The following DIS3L variants were observed in gnomAD, a reference collection of about 807,000 sequenced individuals.
The protein encoded by DIS3L is DIS3 like exosome 3'-5' exoribonuclease, also known as DIS3-like exonuclease 1.
In DIS3L, 100 loss-of-function variants were observed where a neutral mutation model predicts 120.3. The observed-to-expected ratio is 0.83, with a 90% confidence interval of 0.71 to 0.98. The LOEUF (loss-of-function observed/expected upper bound fraction) is 0.98, where lower values mean the gene tolerates loss of function less well. Among genes scored for constraint, DIS3L ranks in the 50% least tolerant of loss-of-function variants. DIS3L has a pLI of 0.00. For synonymous variants in DIS3L, 426 were observed against 470.6 expected, an observed-to-expected ratio of 0.91 and a Z score of 1.23; for missense variants, 1,196 against 1,314.2, an observed-to-expected ratio of 0.91 and a Z score of 1.39.
At chr15:66,319,233 C>G (rs959227228) in intron 8 of DIS3L, among the ~76,000 whole-genome samples, 1 of 152,286 alleles carries the variant, frequency 6.6e-6, no homozygotes, top group Non-Finnish European at 1.5e-5. Flanking sequence ...CCACTGTGCC[C>G]AGCCCCAAGA....
rs2092802345 is a variant in DIS3L at position 66,315,024 on chromosome 15, C to T, written c.815-12C>T. 6.2e-7 allele frequency: 1 copy of T among 1,612,342 alleles called. No homozygotes were observed. Among genetic ancestry groups the T allele is most frequent in the African/African-American group, 1.3e-5 (1 of 74,836 alleles). On this transcript the variant is annotated splice_polypyrimidine_tract_variant and intron_variant, in intron 6 of 16. Coordinates refer to ENST00000319212, the MANE Select transcript of DIS3L (RefSeq NM_001143688.3). Reference sequence around the variant, plus strand: ...GGCTTTATGGGTTTTTTCTGTGCTGCCCCAAACACAGATTTAGTCAGTGAC... The same window carrying T: ...GGCTTTATGGGTTTTTTCTGTGCTGTCCCAAACACAGATTTAGTCAGTGAC...
rs17851970 is a variant in DIS3L, at chr15:66,320,627, T to C, written c.1221T>C (p.Asn407=). Residue 407 remains asparagine (N), a synonymous_variant, in exon 9 of 17, where the codon AAT becomes AAC. Transcript: ENST00000319212. The stretch of plus-strand genomic sequence containing the variant: ...GGGAGTCAACATCTGTGTATCCAAA[T>C]GGACATTTTGTGCGTGTTTTAGGAA... ...DSWESTSVYP[N]GHFVRVLGRI... The C allele has an allele frequency of 0.25, 408,939 of 1,613,786 alleles. 55,009 individuals are homozygous for C. Among genetic ancestry groups the C allele is most frequent in the South Asian group, 0.33 (30,135 of 91,040 alleles).
intron 10 of DIS3L, among the ~76,000 whole-genome samples, chr15:66,323,213 G>T (rs868181593): frequency 2.0e-5 from 3 of 152,072 alleles, no homozygotes; most frequent in African/African-American, 7.2e-5. Context: ...AAAAATACTG[G>T]ATCATTACAC....
intron 2 of DIS3L, among the ~76,000 whole-genome samples, chr15:66,302,698 C>T (rs1260428904): frequency 1.3e-5 from 2 of 152,184 alleles, no homozygotes; most frequent in Non-Finnish European, 2.9e-5. Flanking sequence ...GGGTCACCTA[C>T]TCCAGGAAGC....
At chr15:66,304,231 G>A (rs951716101) in intron 2 of DIS3L, among the ~76,000 whole-genome samples, 1 of 151,804 alleles carries the variant, frequency 6.6e-6, no homozygotes, top group African/African-American at 2.4e-5. Flanking sequence ...CAGGAGGATC[G>A]ATTGAGCCCA....
chr15:66,308,947 C>T lies in DIS3L; in HGVS notation c.558+103C>T. 3.7e-6 allele frequency: 5 copies of T among 1,367,470 alleles called. No individual in the cohort carries two copies. The South Asian group carries it at 8.4e-5, about 23-fold the overall frequency. The allele number at this position is 1,367,470 out of a possible 1,614,324, so 84.7% of individuals were successfully genotyped here. ...ACAGAAAAGAGAAAAGAGGAATAGA[C>T]ATTAAGTTCCATTTTGGCCAGGCGT... is the stretch of plus-strand genomic sequence containing the variant. On this transcript the variant is annotated intron_variant, in intron 4 of 16. Coordinates refer to ENST00000319212, the MANE Select transcript of DIS3L (RefSeq NM_001143688.3).
intron 14 of DIS3L, among the ~76,000 whole-genome samples, chr15:66,330,954 A>G (rs1276891613): frequency 6.6e-6 from 1 of 152,174 alleles, no homozygotes; most frequent in Non-Finnish European, 1.5e-5. Flanking sequence ...CAGGAGTTCC[A>G]GAGCAGCCTG....
At chr15:66,294,282 G>A (rs2092560138) in intron 1 of DIS3L, 1 of 985,372 alleles carries the variant, frequency 1.0e-6, no homozygotes, top group African/African-American at 1.7e-5. Flanking sequence ...GAAGGTCACG[G>A]GGAAGTTGGA....
chr15:66,297,699 T>C (rs16949788), intron 2 of DIS3L, among the ~76,000 whole-genome samples: 12,146 of 152,244 alleles, frequency 0.08, 475 homozygotes, highest in Non-Finnish European at 0.086. Context: ...AGTAAATAAT[T>C]CATTTTATCC....
At chr15:66,307,840 C>T (rs1057274915) in intron 3 of DIS3L, among the ~76,000 whole-genome samples, 3 of 152,060 alleles carry the variant, frequency 2.0e-5, no homozygotes, top group South Asian at 2.1e-4. Context: ...CTGTAGGAAA[C>T]GAAGACTCCA....
chr15:66,322,711 C>G lies in DIS3L; in HGVS notation c.1351C>G (p.Pro451Ala), dbSNP rs767359993. The change falls in exon 10 of 17, where the codon CCA becomes GCA. Residue 451 changes from proline to alanine, a missense_variant. By Grantham distance (27) the Pro-to-Ala change is conservative. Coordinates refer to ENST00000319212, the MANE Select transcript of DIS3L (RefSeq NM_001143688.3). ...AQMCEMPVNTPESPWKVSPEE... is the reference protein window; with the variant it reads ...AQMCEMPVNTAESPWKVSPEE... ...GATGTGTGAGATGCCAGTAAACACA[C>G]CAGAAAGTCCCTGGAAGGTGAGTCC... 1 of 1,614,052 alleles carries G rather than the reference C, an allele frequency of 6.2e-7. No homozygotes were observed. The highest frequency in any genetic ancestry group is 1.7e-5 in the Admixed American group (1 of 59,998).
Position 66,322,882 on chromosome 15 carries a change from G to T in DIS3L, c.1522G>T (p.Val508Leu). 1.2e-6 allele frequency: 2 copies of T among 1,614,174 alleles called. No individual in the cohort carries two copies. Among genetic ancestry groups the T allele is most frequent in the Non-Finnish European group, 1.7e-6 (2 of 1,180,032 alleles). Residue 508 changes from valine to leucine, a missense_variant, in exon 10 of 17, where the codon GTA becomes TTA. Coordinates refer to ENST00000319212, the MANE Select transcript of DIS3L (RefSeq NM_001143688.3). ...NLELGVHIAD[V>L]THFVAPNSYI... Reference sequence around the variant, plus strand: ...GGAACTTGGGGTCCACATCGCAGATGTAACACACTTTGTGGCACCAAATTC... The same window carrying T: ...GGAACTTGGGGTCCACATCGCAGATTTAACACACTTTGTGGCACCAAATTC...
intron 11 of DIS3L, among the ~76,000 whole-genome samples, chr15:66,324,863 T>C (rs1162808096): frequency 6.6e-6 from 1 of 152,240 alleles, no homozygotes; most frequent in Non-Finnish European, 1.5e-5. Flanking sequence ...GTAAAAGCTC[T>C]TTACATATTA....
At position 66,293,719 on chromosome 15, in the gene DIS3L, C is replaced by T. The variant is rs765991326; in HGVS notation, c.123C>T (p.Pro41=). The change falls in exon 1 of 17, where the codon CCC becomes CCT. Residue 41 remains proline (P), a synonymous_variant. Transcript: ENST00000319212. ...VPCHSPLCPQ[P]AACSHDGKLL... is the part of the protein sequence containing the mutation. Reference sequence around the variant, plus strand: ...GCCACAGCCCGCTCTGCCCGCAGCCCGCCGCCTGCAGCCACGGTCAGGGCC... The same window carrying T: ...GCCACAGCCCGCTCTGCCCGCAGCCTGCCGCCTGCAGCCACGGTCAGGGCC... 7.6e-7 allele frequency: 1 copy of T among 1,315,290 alleles called. No homozygotes were observed. The highest frequency in any genetic ancestry group is 1.9e-5 in the South Asian group (1 of 52,566). The allele number at this position is 1,315,290 out of a possible 1,614,324, so 81.5% of individuals were successfully genotyped here.
At chr15:66,293,991 A>C in intron 1 of DIS3L, 1 of 990,616 alleles carries the variant, frequency 1.0e-6, no homozygotes, top group Non-Finnish European at 1.2e-6. Context: ...ACAGACCCGC[A>C]CCCCATGCCG....
At position 66,306,815 on chromosome 15, in the gene DIS3L, G is replaced by T. The variant is rs74657671; in HGVS notation, c.294-9G>T. 0.018 allele frequency: 29,150 copies of T among 1,613,576 alleles called. 326 individuals carry two copies. The highest frequency in any genetic ancestry group is 0.02 in the Non-Finnish European group (24,084 of 1,179,620). ...TTTGTTAGAGTTATTTTTCTCCTCC[G>T]TGTCACAGACAGTATAACAAACTGC... On this transcript the variant is annotated splice_polypyrimidine_tract_variant and intron_variant, in intron 2 of 16. Transcript: ENST00000319212.
Position 66,323,475 on chromosome 15 carries a change from C to CGT in DIS3L, c.1575-11_1575-10dup. Reference sequence around the variant, plus strand: ...CTCCCTGCTAAAGGTCGCGTTGCCGCGTGTGTGTCATTCACAGGGCCACCA... The same window carrying CGT: ...CTCCCTGCTAAAGGTCGCGTTGCCGCGTGTGTGTGTCATTCACAGGGCCACCA... On this transcript the variant is annotated splice_polypyrimidine_tract_variant and intron_variant, in intron 10 of 16. Coordinates refer to ENST00000319212, the MANE Select transcript of DIS3L (RefSeq NM_001143688.3). 1 of 1,613,706 alleles carries CGT rather than the reference C, an allele frequency of 6.2e-7. No individual in the cohort carries two copies. The highest frequency in any genetic ancestry group is 8.5e-7 in the Non-Finnish European group (1 of 1,179,750).
intron 2 of DIS3L, 102 bp downstream of exon 2, chr15:66,295,243 G>A (rs80126717): frequency 0.23 from 271,400 of 1,178,398 alleles, 33,958 homozygotes; most frequent in Middle Eastern, 0.29. Flanking sequence ...TATTTTGTCA[G>A]AAGGGACTTT....
rs377160055 is a variant in DIS3L, at chr15:66,333,602, G to A, written c.*290G>A. ...AAATTAGCCCGGCGTGGTGGCATGCGCCTGTAGTCCCAGCTACTTGGGAGG... is the reference window on the plus strand; with the variant it reads ...AAATTAGCCCGGCGTGGTGGCATGCACCTGTAGTCCCAGCTACTTGGGAGG... On this transcript the variant is annotated 3_prime_UTR_variant, in exon 17 of 17. Transcript: ENST00000319212. 3 of 200,690 alleles carry A rather than the reference G, an allele frequency of 1.5e-5. No individual in the cohort carries two copies. The highest frequency in any genetic ancestry group is 3.0e-5 in the Non-Finnish European group (3 of 99,176). The allele number at this position is 200,690 out of a possible 1,614,324, so 12.4% of individuals were successfully genotyped here. A position where few individuals can be genotyped will look rare whatever the true frequency, so the allele number is the denominator to read the frequency against.
Sources: gnomAD v4.1 joint callset for allele counts (sites outside exome capture counted in the v4.1 genomes callset) on GRCh38, gnomAD v4.1.1 for gene constraint, MANE v1.5 for transcripts, NCBI Gene and HGNC (gene_info 2026-07-23, HGNC 2026-07-21) for gene names.